The following ZNF385D variants were observed in gnomAD, a reference collection of about 807,000 sequenced individuals.
The protein encoded by ZNF385D is zinc finger protein 659.
ZNF385D carries 15 observed loss-of-function variants against 35.8 expected under a neutral mutation model. That is an observed-to-expected ratio of 0.42 (90% CI 0.28 to 0.64). The LOEUF (loss-of-function observed/expected upper bound fraction) is 0.64, where lower values mean the gene tolerates loss of function less well. ZNF385D is among the 30% of genes least tolerant of loss of function. ZNF385D has a pLI of 0.23. For synonymous variants in ZNF385D, 212 were observed against 186.8 expected, an observed-to-expected ratio of 1.13 and a Z score of -1.10; for missense variants, 474 against 494.6, an observed-to-expected ratio of 0.96 and a Z score of 0.39.
chr3:22,084,673 GAC>G (rs1700933919), intron 3 of ZNF385D, among the ~76,000 whole-genome samples: 1 of 152,124 alleles, frequency 6.6e-6, no homozygotes, highest in Non-Finnish European at 1.5e-5. Flanking sequence ...AGATCAATGA[GAC>G]AGAAGGTTAA....
intron 3 of ZNF385D, among the ~76,000 whole-genome samples, chr3:21,858,509 G>A (rs974660173): frequency 1.3e-5 from 2 of 151,960 alleles, no homozygotes; most frequent in Admixed American, 6.6e-5. Context: ...ATGGATTAGT[G>A]TCCTTATAAA....
chr3:22,018,647 C>G (rs1477260429), intron 3 of ZNF385D, among the ~76,000 whole-genome samples: 2 of 151,872 alleles, frequency 1.3e-5, no homozygotes, highest in South Asian at 4.1e-4. Context: ...TTATTACACC[C>G]AGGTTCAAGT....
rs1333642331 is a variant in ZNF385D, at chr3:22,092,264, T to G, written c.325+76553A>C. Reference sequence around the variant, plus strand: ...GTTAAGCTTTGTTAGTAGAAGCTACTAAGGGGGAAATTGAAGGATGAATGG... The same window carrying G: ...GTTAAGCTTTGTTAGTAGAAGCTACGAAGGGGGAAATTGAAGGATGAATGG... On this transcript the variant is annotated intron_variant, in intron 3 of 5. Transcript: ENST00000494108. Among the ~76,000 whole-genome samples, 9 of 152,182 alleles carry G rather than the reference T, an allele frequency of 5.9e-5. 1 individual carries two copies. Among genetic ancestry groups the G allele is most frequent in the African/African-American group, 2.2e-4 (9 of 41,444 alleles).
chr3:21,620,507 T>C (rs566305081), intron 2 of ZNF385D, among the ~76,000 whole-genome samples: 1 of 152,258 alleles, frequency 6.6e-6, no homozygotes, highest in Admixed American at 6.5e-5. Context: ...ATGATTAGTA[T>C]CCTTCAATGC....
chr3:21,421,263 G>C lies in ZNF385D; in HGVS notation c.1139C>G (p.Pro380Arg). ...ALPPALLRPA[P>R]GPIRTAHTPV... The stretch of plus-strand genomic sequence containing the variant: ...AGTGTGGGCGGTCCGAATGGGTCCA[G>C]GAGCTGGCCGCAGGAGTGCCGGAGG... The change falls in exon 8 of 8, where the codon CCT becomes CGT. Residue 380 changes from proline to arginine, a missense_variant. Physicochemically the swap from Pro to Arg is moderately radical, Grantham distance 103 (BLOSUM62 -2). Coordinates refer to ENST00000281523, the MANE Select transcript of ZNF385D (RefSeq NM_024697.3). 1 of 1,614,110 alleles carries C rather than the reference G, an allele frequency of 6.2e-7. No homozygotes were observed. The highest frequency in any genetic ancestry group is 8.5e-7 in the Non-Finnish European group (1 of 1,180,016).
At chr3:21,616,390 T>C (rs2064847702) in intron 2 of ZNF385D, among the ~76,000 whole-genome samples, 1 of 152,146 alleles carries the variant, frequency 6.6e-6, no homozygotes, top group Non-Finnish European at 1.5e-5. Context: ...AGTGCTAAAT[T>C]AGTTGTTTCT....
chr3:22,049,296 C>CAAAAATAAAATAAAATAAAATAAA (rs1699200838), intron 3 of ZNF385D, among the ~76,000 whole-genome samples: 1 of 59,322 alleles, frequency 1.7e-5, no homozygotes, highest in Non-Finnish European at 3.9e-5. Flanking sequence ...AACTCAATCT[C>CAAAAATAAAATAAAATAAAATAAA]AAAAATAAAA....
At chr3:22,154,979 T>C (rs1439650430) in intron 3 of ZNF385D, among the ~76,000 whole-genome samples, 1 of 152,144 alleles carries the variant, frequency 6.6e-6, no homozygotes, top group East Asian at 1.9e-4. Flanking sequence ...TTGACTACTA[T>C]ATTAAGTGAA....
intron 3 of ZNF385D, among the ~76,000 whole-genome samples, chr3:21,869,558 T>C (rs900809354): frequency 6.6e-6 from 1 of 152,116 alleles, no homozygotes; most frequent in Non-Finnish European, 1.5e-5. Context: ...TTAAACTATT[T>C]CTGAGGGATC....
chr3:21,571,264 C>T (rs1344941737), intron 2 of ZNF385D, among the ~76,000 whole-genome samples: 2 of 152,134 alleles, frequency 1.3e-5, no homozygotes. Context: ...TGGCTTCTTT[C>T]ATTCAACATT....
At chr3:22,113,154 C>T (rs540401538) in intron 3 of ZNF385D, among the ~76,000 whole-genome samples, 20 of 152,136 alleles carry the variant, frequency 1.3e-4, no homozygotes, top group Middle Eastern at 3.4e-3. Flanking sequence ...ACTTGTGTCA[C>T]GGCTCAACAA....
At position 22,210,551 on chromosome 3, in the gene ZNF385D, T is replaced by C. The variant is rs75147464; in HGVS notation, c.107-41516A>G. On this transcript the variant is annotated intron_variant, in intron 2 of 5. Coordinates refer to the ZNF385D transcript ENST00000494108. ...AAATGATTTGGGTCAAGAAAATATA[T>C]AGTTCTTGATCTGAAAGAGTCTCCA... 5.5e-3 allele frequency among the ~76,000 whole-genome samples: 834 copies of C among 151,956 alleles called. 7 individuals carry two copies. The highest frequency in any genetic ancestry group is 0.019 in the African/African-American group (796 of 41,514).
At chr3:21,908,157 T>TCTATCTATCTAC (rs376013476) in intron 3 of ZNF385D, among the ~76,000 whole-genome samples, 7,658 of 150,250 alleles carry the variant, frequency 0.051, 277 homozygotes, top group Non-Finnish European at 0.058. Context: ...TATCTATCTA[T>TCTATCTATCTAC]CTATCTATCT....
intron 4 of ZNF385D, among the ~76,000 whole-genome samples, chr3:21,476,066 A>T (rs188448300): frequency 6.6e-6 from 1 of 152,262 alleles, no homozygotes; most frequent in East Asian, 1.9e-4. Context: ...GATTATTTGA[A>T]CACAGCTCTG....
intron 3 of ZNF385D, among the ~76,000 whole-genome samples, chr3:21,779,838 C>T (rs1285406983): frequency 6.6e-6 from 1 of 151,916 alleles, no homozygotes; most frequent in Non-Finnish European, 1.5e-5. Flanking sequence ...TCTACCAACT[C>T]ATTTATTCCA....
At chr3:22,178,846 T>C (rs544616561) in intron 2 of ZNF385D, among the ~76,000 whole-genome samples, 34 of 152,368 alleles carry the variant, frequency 2.2e-4, no homozygotes, top group Admixed American at 1.9e-3. Context: ...TAGGGAAACC[T>C]TTCCCCATTT....
chr3:21,634,389 C>T (rs990284345), intron 2 of ZNF385D, among the ~76,000 whole-genome samples: 1 of 150,454 alleles, frequency 6.6e-6, no homozygotes, highest in African/African-American at 2.4e-5. Context: ...AAGAAAGGAA[C>T]GAAAGAGAAG....
At chr3:21,694,417 C>T (rs186843716) in intron 1 of ZNF385D, among the ~76,000 whole-genome samples, 2 of 152,192 alleles carry the variant, frequency 1.3e-5, no homozygotes, top group East Asian at 3.9e-4. Context: ...ACTCAAAAAG[C>T]ACCAGAAAAA....
At chr3:22,270,871 C>T (rs1380745778) in intron 2 of ZNF385D, among the ~76,000 whole-genome samples, 1 of 152,010 alleles carries the variant, frequency 6.6e-6, no homozygotes, top group Non-Finnish European at 1.5e-5. Context: ...ATGCCCTTTG[C>T]AATTCTGAAA....
Sources: allele counts gnomAD v4.1 joint callset (sites outside exome capture counted in the v4.1 genomes callset), GRCh38; gene constraint gnomAD v4.1.1; transcripts MANE v1.5; gene names NCBI Gene and HGNC (gene_info 2026-07-23, HGNC 2026-07-21).